The following KCTD16 variants were observed in gnomAD, a reference collection of about 807,000 sequenced individuals.
KCTD16 encodes the protein BTB/POZ domain-containing protein KCTD16.
In KCTD16, 13 loss-of-function variants were observed where a neutral mutation model predicts 33.2. The observed-to-expected ratio is 0.39, with a 90% confidence interval of 0.25 to 0.62. The LOEUF is 0.62. KCTD16 is among the 20% of genes least tolerant of loss of function. The pLI is 0.50. For synonymous variants in KCTD16, 197 were observed against 195.3 expected (o/e 1.01, Z -0.07); for missense variants, 441 against 525.1 (o/e 0.84, Z 1.57).
At chr5:144,388,616 T>A (rs1248086123) in intron 3 of KCTD16, among the ~76,000 whole-genome samples, 3 of 152,300 alleles carry the variant, frequency 2.0e-5, no homozygotes, top group Admixed American at 6.5e-5. Context: ...CTTGGCTGTC[T>A]ATGCAAGCCA....
intron 3 of KCTD16, among the ~76,000 whole-genome samples, chr5:144,359,527 A>T (rs146709286): frequency 2.0e-5 from 3 of 151,992 alleles, no homozygotes; most frequent in African/African-American, 7.3e-5. Context: ...GTAAGTTATA[A>T]CTGCTTTTTA....
At chr5:144,244,511 C>A (rs536887723) in intron 3 of KCTD16, among the ~76,000 whole-genome samples, 1 of 152,298 alleles carries the variant, frequency 6.6e-6, no homozygotes, top group Non-Finnish European at 1.5e-5. Context: ...TAAGTCAATT[C>A]CACAGAATTG....
rs542172035 is a variant in KCTD16 at position 144,474,975 on chromosome 5, A to C, written c.*861A>C. 1.5e-3 allele frequency: 232 copies of C among 152,358 alleles called. 1 individual carries two copies. The highest frequency in any genetic ancestry group is 5.3e-3 in the African/African-American group (220 of 41,578). The allele number at this position is 152,358 out of a possible 1,614,324, so 9.4% of individuals were successfully genotyped here. On this transcript the variant is annotated 3_prime_UTR_variant, in exon 4 of 4. Transcript: ENST00000512467. ...GTCAAACATTCCTTGTGTTAAAAAA[A>C]TCAAACATTCATATCCACAAAATTT...
At chr5:144,417,998 T>TCCCC (rs1369360793) in intron 3 of KCTD16, among the ~76,000 whole-genome samples, 1 of 152,116 alleles carries the variant, frequency 6.6e-6, no homozygotes, top group East Asian at 1.9e-4. Context: ...CAGAGTTTCT[T>TCCCC]CCTTCTGGTG....
At chr5:144,273,689 T>TC (rs1344627345) in intron 3 of KCTD16, among the ~76,000 whole-genome samples, 1 of 151,742 alleles carries the variant, frequency 6.6e-6, no homozygotes, top group Non-Finnish European at 1.5e-5. Context: ...GACAAATACT[T>TC]TATGGTGATT....
chr5:144,310,889 C>T (rs73295815), intron 3 of KCTD16, among the ~76,000 whole-genome samples: 13 of 152,276 alleles, frequency 8.5e-5, no homozygotes, highest in East Asian at 5.8e-4. Context: ...TGCTCATTCC[C>T]ATCAGGCAGC....
At chr5:144,380,767 C>T (rs1752196236) in intron 3 of KCTD16, among the ~76,000 whole-genome samples, 1 of 152,132 alleles carries the variant, frequency 6.6e-6, no homozygotes, top group Admixed American at 6.5e-5. Context: ...TAGCCATATG[C>T]AGAAGATCGA....
At chr5:144,360,215 T>C (rs1171057827) in intron 3 of KCTD16, among the ~76,000 whole-genome samples, 1 of 152,036 alleles carries the variant, frequency 6.6e-6, no homozygotes, top group Non-Finnish European at 1.5e-5. Context: ...CTACATTAGG[T>C]ATTTTGGTAT....
Position 144,422,856 on chromosome 5 carries a change from T to C in KCTD16, c.833-50804T>C, listed in dbSNP as rs118019682. Among the ~76,000 whole-genome samples, 33 of 152,228 alleles carry C rather than the reference T, an allele frequency of 2.2e-4. 1 individual carries two copies. The East Asian group carries it at 6.4e-3, about 29-fold the overall frequency. On this transcript the variant is annotated intron_variant, in intron 3 of 3. Transcript: ENST00000512467. ...CACAAAAATGAATATATACCCCATGTGGATGTTAGGAGGTGAAAGTAACCT... is the reference window on the plus strand; with the variant it reads ...CACAAAAATGAATATATACCCCATGCGGATGTTAGGAGGTGAAAGTAACCT...
intron 3 of KCTD16, among the ~76,000 whole-genome samples, chr5:144,316,988 C>A (rs901503254): frequency 6.6e-6 from 1 of 151,776 alleles, no homozygotes; most frequent in Non-Finnish European, 1.5e-5. Flanking sequence ...CCACAACGCC[C>A]AGCTAATTTT....
intron 3 of KCTD16, among the ~76,000 whole-genome samples, chr5:144,278,750 G>A (rs1386188636): frequency 6.6e-6 from 1 of 151,970 alleles, no homozygotes; most frequent in Non-Finnish European, 1.5e-5. Flanking sequence ...ACCCGCCTCG[G>A]CCTCCCTAAG....
At chr5:144,341,121 C>T (rs534808653) in intron 3 of KCTD16, among the ~76,000 whole-genome samples, 1 of 152,110 alleles carries the variant, frequency 6.6e-6, no homozygotes, top group African/African-American at 2.4e-5. Context: ...TTGGACTTCC[C>T]AGCCTTCCAA....
rs1417950278 is a variant in KCTD16 at position 144,475,453 on chromosome 5, G to A, written c.*1339G>A. On this transcript the variant is annotated 3_prime_UTR_variant, in exon 4 of 4. Transcript: ENST00000512467. ...ATCTTTTTCAATTACATCCTGACTT[G>A]TATAGACACAGCCAAAAAGAAACTG... is the stretch of plus-strand genomic sequence containing the variant. 1.3e-5 allele frequency: 2 copies of A among 152,502 alleles called. No individual in the cohort carries two copies. The highest frequency in any genetic ancestry group is 1.3e-4 in the Admixed American group (2 of 15,284). 9.4% of individuals were successfully genotyped at this position (152,502 alleles called of 1,614,324 possible).
intron 2 of KCTD16, among the ~76,000 whole-genome samples, chr5:144,198,612 CA>C (rs1235935121): frequency 5.3e-5 from 8 of 152,182 alleles, no homozygotes; most frequent in African/African-American, 1.9e-4. Flanking sequence ...CTTCTACAAA[CA>C]ATCGCTATAC....
chr5:144,465,862 ACCGGTTG>A, intron 3 of KCTD16, among the ~76,000 whole-genome samples: 1 of 144,218 alleles, frequency 6.9e-6, no homozygotes, highest in South Asian at 2.2e-4. Context: ...ATTGTTGTAG[ACCGGTTG>A]CTCTTGTCAC....
intron 2 of KCTD16, among the ~76,000 whole-genome samples, chr5:144,188,520 G>A (rs969496236): frequency 1.3e-5 from 2 of 152,176 alleles, no homozygotes; most frequent in Non-Finnish European, 2.9e-5. Flanking sequence ...TAGTAGGTAG[G>A]ACATTTCAAC....
chr5:144,342,967 C>T (rs1752686983), intron 3 of KCTD16, among the ~76,000 whole-genome samples: 3 of 152,142 alleles, frequency 2.0e-5, no homozygotes, highest in Admixed American at 1.3e-4. Context: ...GATGTACTGC[C>T]GGATTTGGTT....
At chr5:144,350,767 GTTTCT>G (rs1751400568) in intron 3 of KCTD16, among the ~76,000 whole-genome samples, 1 of 147,006 alleles carries the variant, frequency 6.8e-6, no homozygotes, top group Non-Finnish European at 1.5e-5. Flanking sequence ...TGCATTGGTG[GTTTCT>G]TTTTTTTTTT....
At chr5:144,457,905 C>T (rs1754103942) in intron 3 of KCTD16, among the ~76,000 whole-genome samples, 2 of 152,168 alleles carry the variant, frequency 1.3e-5, no homozygotes, top group Admixed American at 1.3e-4. Flanking sequence ...CTGGTGCATA[C>T]AACTGCCCAT....
Sources: allele counts gnomAD v4.1 joint callset (sites outside exome capture counted in the v4.1 genomes callset), GRCh38; gene constraint gnomAD v4.1.1; transcripts MANE v1.5; gene names NCBI Gene and HGNC (gene_info 2026-07-23, HGNC 2026-07-21).